Variants in CDH1 observed in about 807,000 individuals in gnomAD.
The protein encoded by CDH1 is cadherin 1.
A neutral mutation model predicts 84.5 loss-of-function variants in CDH1; 35 were observed. The ratio of observed to expected loss-of-function variants is 0.41; its 90% CI spans 0.32 to 0.55. The LOEUF (loss-of-function observed/expected upper bound fraction) is 0.55. Among genes scored for constraint, CDH1 ranks in the 20% least tolerant of loss-of-function variants. The probability of loss-of-function intolerance (pLI) is 0.19; values close to 1 mark genes in which losing one functional copy is unlikely to be tolerated. For missense variants in CDH1, 994 were observed against 1,126.6 expected, an observed-to-expected ratio of 0.88 and a Z score of 1.68; for synonymous variants, 417 against 439.0, an observed-to-expected ratio of 0.95 and a Z score of 0.63.
chr16:68,829,949 TTTTCTTTTTC>T (rs1961439940), intron 15 of CDH1, 152 bp downstream of exon 15: 1 of 682,382 alleles, frequency 1.5e-6, no homozygotes, highest in African/African-American at 3.4e-5. Context: ...TTTTCTTTTT[TTTTCTTTTTC>T]TTTTTTTTTT....
chr16:68,768,066 A>G (rs1340713139), intron 2 of CDH1, among the ~76,000 whole-genome samples: 2 of 151,708 alleles, frequency 1.3e-5, no homozygotes, highest in African/African-American at 4.8e-5. Context: ...AGTGCCCCAG[A>G]CTCCCAAGTA....
intron 2 of CDH1, among the ~76,000 whole-genome samples, chr16:68,742,817 C>G (rs562795447): frequency 1.3e-5 from 2 of 152,312 alleles, no homozygotes; most frequent in South Asian, 4.1e-4. Flanking sequence ...ACCCAGAAAC[C>G]AGCTTTGGGA....
At chr16:68,744,831 G>A (rs1379664648) in intron 2 of CDH1, among the ~76,000 whole-genome samples, 1 of 152,160 alleles carries the variant, frequency 6.6e-6, no homozygotes, top group Non-Finnish European at 1.5e-5. Flanking sequence ...ACTTGGTGCT[G>A]TCTGTTTGAA....
chr16:68,822,601 T>G (rs920064881), intron 12 of CDH1: 3 of 470,286 alleles, frequency 6.4e-6, no homozygotes, highest in African/African-American at 5.9e-5. Context: ...CCCAGATTCA[T>G]CAGAACTATT....
chr16:68,769,223 A>C (rs1959473965), intron 2 of CDH1, among the ~76,000 whole-genome samples: 2 of 152,216 alleles, frequency 1.3e-5, no homozygotes, highest in Non-Finnish European at 2.9e-5. Context: ...ATGACTCCAC[A>C]CAGCTATTTC....
intron 2 of CDH1, among the ~76,000 whole-genome samples, chr16:68,773,330 T>G (rs922917436): frequency 1.3e-5 from 2 of 150,440 alleles, no homozygotes. Flanking sequence ...GGAGTCTTGC[T>G]CTGTCACCCA....
chr16:68,761,376 T>A (rs770504025), intron 2 of CDH1, among the ~76,000 whole-genome samples: 11 of 152,202 alleles, frequency 7.2e-5, no homozygotes, highest in Non-Finnish European at 1.5e-4. Flanking sequence ...CCCCTTCTCC[T>A]CAAGCTTGCT....
At chr16:68,828,867 C>T (rs1194439198) in intron 14 of CDH1, among the ~76,000 whole-genome samples, 1 of 152,116 alleles carries the variant, frequency 6.6e-6, no homozygotes, top group Non-Finnish European at 1.5e-5. Flanking sequence ...GGGTCTATTA[C>T]AGAGTCCTGT....
chr16:68,778,089 C>G (rs1959783954), intron 2 of CDH1, among the ~76,000 whole-genome samples: 1 of 151,858 alleles, frequency 6.6e-6, no homozygotes, highest in South Asian at 2.1e-4. Flanking sequence ...GCTCTGTTGC[C>G]CAGGCTGGAG....
chr16:68,781,255 T>C (rs571549137), intron 2 of CDH1, among the ~76,000 whole-genome samples: 28 of 152,322 alleles, frequency 1.8e-4, no homozygotes, highest in African/African-American at 6.3e-4. Flanking sequence ...CAATTAGGCA[T>C]TGTGGCCTCA....
intron 2 of CDH1, among the ~76,000 whole-genome samples, chr16:68,781,576 C>T (rs1190255471): frequency 1.8e-4 from 27 of 152,118 alleles, no homozygotes; most frequent in Admixed American, 1.8e-3. Flanking sequence ...TGAGCTCAAG[C>T]AATCCATCCC....
intron 3 of CDH1, among the ~76,000 whole-genome samples, chr16:68,807,054 A>C (rs1960684966): frequency 6.6e-6 from 1 of 152,216 alleles, no homozygotes; most frequent in African/African-American, 2.4e-5. Context: ...TTTCCCCTGG[A>C]AACTTTACTG....
intron 2 of CDH1, among the ~76,000 whole-genome samples, chr16:68,797,895 A>G (rs1316632198): frequency 6.6e-6 from 1 of 152,048 alleles, no homozygotes; most frequent in Non-Finnish European, 1.5e-5. Context: ...CCTGGCCAAC[A>G]TGGTGAAACC....
chr16:68,815,812 T>G, intron 10 of CDH1, 53 bp downstream of exon 10: 1 of 1,591,908 alleles, frequency 6.3e-7, no homozygotes, highest in Non-Finnish European at 8.6e-7. Flanking sequence ...TTTTATATCA[T>G]TTTATATGTA....
chr16:68,788,467 G>A (rs867427102), intron 2 of CDH1, among the ~76,000 whole-genome samples: 4 of 152,142 alleles, frequency 2.6e-5, no homozygotes, highest in African/African-American at 7.2e-5. Flanking sequence ...GACAACCCTT[G>A]ATCTGCTTTT....
intron 2 of CDH1, among the ~76,000 whole-genome samples, chr16:68,762,730 G>T (rs974364212): frequency 2.6e-5 from 4 of 151,928 alleles, no homozygotes; most frequent in African/African-American, 9.7e-5. Flanking sequence ...CCGACATGGC[G>T]AAACCCAGTC....
chr16:68,764,547 G>C (rs778302855), intron 2 of CDH1, among the ~76,000 whole-genome samples: 7 of 152,366 alleles, frequency 4.6e-5, no homozygotes, highest in Non-Finnish European at 1.0e-4. Flanking sequence ...CTGCACTCCA[G>C]CCTGGGCGAT....
At chr16:68,787,825 A>ATT (rs58676133) in intron 2 of CDH1, among the ~76,000 whole-genome samples, 1,341 of 102,314 alleles carry the variant, frequency 0.013, 28 homozygotes, top group Non-Finnish European at 0.02. Context: ...CGCCCGGCTA[A>ATT]TTTTTTTTTT....
Position 68,833,518 on chromosome 16 carries a change from GC to G in CDH1, c.*23del. The G allele has an allele frequency of 6.2e-7, 1 of 1,600,450 alleles. No homozygotes were observed. The highest frequency in any genetic ancestry group is 2.2e-5 in the East Asian group (1 of 44,844). The stretch of plus-strand genomic sequence containing the variant: ...CGACTAGGGGACTCGAGAGAGGCGG[GC>G]CCCAGACCCATGTGCTGGGAAATGC... On this transcript the variant is annotated 3_prime_UTR_variant, in exon 16 of 16. Coordinates refer to ENST00000261769, the MANE Select transcript of CDH1 (RefSeq NM_004360.5).
Sources: gnomAD v4.1 joint callset for allele counts (sites outside exome capture counted in the v4.1 genomes callset) on GRCh38, gnomAD v4.1.1 for gene constraint, MANE v1.5 for transcripts, NCBI Gene and HGNC (gene_info 2026-07-23, HGNC 2026-07-21) for gene names.